The following UNC80 variants were observed in gnomAD, a reference collection of about 807,000 sequenced individuals.
The protein encoded by UNC80 is unc-80 subunit of NALCN channel complex, also known as protein unc-80 homolog.
Under a neutral mutation model 384.6 loss-of-function variants are expected in UNC80, and 164 were observed. That is an observed-to-expected ratio of 0.43 (90% confidence interval 0.38 to 0.49). The LOEUF (loss-of-function observed/expected upper bound fraction) is 0.49. Among genes scored for constraint, UNC80 ranks in the 20% least tolerant of loss-of-function variants. The pLI is 0.00. For synonymous variants in UNC80, 1,486 were observed against 1,527.8 expected, an observed-to-expected ratio of 0.97 and a Z score of 0.64; for missense variants, 3,330 against 4,143.0, an observed-to-expected ratio of 0.80 and a Z score of 5.39.
chr2:209,874,705 G>A (rs2084624115), intron 23 of UNC80, among the ~76,000 whole-genome samples: 1 of 151,700 alleles, frequency 6.6e-6, no homozygotes, highest in Non-Finnish European at 1.5e-5. Flanking sequence ...CTTACTTCAG[G>A]GTTACATTTA....
intron 24 of UNC80, 21 bp downstream of exon 24, chr2:209,878,110 A>T (rs1427705285): frequency 9.9e-6 from 15 of 1,510,502 alleles, no homozygotes; most frequent in Non-Finnish European, 1.3e-5. Context: ...TCCCTTTACT[A>T]CAAGAACCCC....
intron 40 of UNC80, among the ~76,000 whole-genome samples, chr2:209,936,591 C>T (rs1250454266): frequency 6.6e-6 from 1 of 151,892 alleles, no homozygotes; most frequent in Non-Finnish European, 1.5e-5. Context: ...CTTTGGATAG[C>T]TCTGTGTGGG....
At chr2:209,851,086 G>C (rs2082496770) in intron 22 of UNC80, among the ~76,000 whole-genome samples, 1 of 151,984 alleles carries the variant, frequency 6.6e-6, no homozygotes. Context: ...CTAATAGTCA[G>C]TAAACTACAC....
intron 4 of UNC80, among the ~76,000 whole-genome samples, chr2:209,783,400 A>G (rs1307924379): frequency 6.6e-6 from 1 of 152,162 alleles, no homozygotes; most frequent in Non-Finnish European, 1.5e-5. Context: ...GAAGACTTAC[A>G]AAGGAAGATA....
intron 8 of UNC80, 108 bp downstream of exon 8, chr2:209,813,949 T>C: frequency 5.8e-6 from 8 of 1,380,962 alleles, no homozygotes; most frequent in Middle Eastern, 1.8e-4. Context: ...GACTTTTTGG[T>C]TGGTGGGTTA....
rs760705122 is a variant in UNC80, at chr2:209,995,680, GATTA to G, written c.*90_*93del. On this transcript the variant is annotated 3_prime_UTR_variant, in exon 65 of 65. Transcript: ENST00000673920. ...AAGTTCAATACTTTTGCTTGAAAAA[GATTA>G]ATTACAAAATAGCACTTTACTTCTA... The G allele has an allele frequency of 3.0e-5, 44 of 1,452,694 alleles. No individual in the cohort carries two copies. Among genetic ancestry groups the G allele is most frequent in the Non-Finnish European group, 3.8e-5 (41 of 1,087,310 alleles). The allele number at this position is 1,452,694 out of a possible 1,614,324, so 90.0% of individuals were successfully genotyped here.
chr2:209,972,537 G>A (rs990718482), intron 55 of UNC80, among the ~76,000 whole-genome samples: 6 of 152,118 alleles, frequency 3.9e-5, no homozygotes, highest in Non-Finnish European at 4.4e-5. Context: ...TAGGAGATAC[G>A]TCCTATTTAA....
rs774224142 is a variant in UNC80 at position 209,896,349 on chromosome 2, A to T, written c.4517A>T (p.Glu1506Val). ...SPWSASEPSI[E>V]PEGMSNAGAE... The stretch of plus-strand genomic sequence containing the variant: ...TGGAGTGCAAGCGAGCCCAGCATTG[A>T]GCCAGAGGGAATGAGTAATGCCGGC... Residue 1506 changes from glutamate (E) to valine (V), a missense_variant, in exon 28 of 65, where the codon GAG becomes GTG. Glu to Val is a moderately radical substitution (Grantham distance 121). This residue lies in a region of UNC80 where 801 missense variants were observed against 950.8 expected (regional missense o/e 0.84). Coordinates refer to ENST00000673920, the MANE Select transcript of UNC80 (RefSeq NM_001371986.1). The T allele has an allele frequency of 3.2e-6, 5 of 1,551,724 alleles. No homozygotes were observed. In the South Asian group the frequency reaches 5.9e-5, roughly 18 times the overall value.
In UNC80 at chr2:209,842,260, C is replaced by T. The variant is rs112508818; in HGVS notation, c.3358-90C>T. ...AAGTAATAGTATGAAAATGAGTAAA[C>T]AACTCATTTTCAAGTCAAGAGTTGA... On this transcript the variant is annotated intron_variant, in intron 20 of 64. Transcript: ENST00000673920. 3.2e-4 allele frequency: 298 copies of T among 933,614 alleles called. 3 individuals carry two copies. In the African/African-American group the frequency reaches 4.4e-3, roughly 14 times the overall value. 57.8% of individuals were successfully genotyped at this position (933,614 alleles called of 1,614,324 possible). A position where few individuals can be genotyped will look rare whatever the true frequency, so the allele number is the denominator to read the frequency against.
At chr2:209,941,863 G>T (rs1422364324) in intron 44 of UNC80, among the ~76,000 whole-genome samples, 1 of 152,162 alleles carries the variant, frequency 6.6e-6, no homozygotes, top group East Asian at 1.9e-4. Context: ...CTCTTGAAGT[G>T]AGGAGCTTAA....
intron 48 of UNC80, among the ~76,000 whole-genome samples, chr2:209,955,305 A>G (rs980388599): frequency 5.3e-5 from 8 of 152,144 alleles, no homozygotes; most frequent in African/African-American, 1.7e-4. Context: ...TTCAGCATGC[A>G]TCAGCAAGAA....
rs977544708 is a variant in UNC80 at position 209,822,041 on chromosome 2, A to G, written c.2331+1362A>G. Among the ~76,000 whole-genome samples, 9 of 152,102 alleles carry G rather than the reference A, an allele frequency of 5.9e-5. 1 individual carries two copies. The South Asian group carries it at 1.9e-3, about 32-fold the overall frequency. On this transcript the variant is annotated intron_variant, in intron 13 of 64. Coordinates refer to ENST00000673920, the MANE Select transcript of UNC80 (RefSeq NM_001371986.1). Reference sequence around the variant, plus strand: ...TTCTTCCTCATTTCTTTCGAGTCCCACTTGACACATGTTTAATATGCATTT... The same window carrying G: ...TTCTTCCTCATTTCTTTCGAGTCCCGCTTGACACATGTTTAATATGCATTT...
intron 10 of UNC80, 102 bp from the exon 11 acceptor site, chr2:209,817,710 A>C: frequency 7.2e-7 from 1 of 1,382,014 alleles, no homozygotes; most frequent in Non-Finnish European, 9.8e-7. Flanking sequence ...ACTTTTCCTA[A>C]CAGCCCCACA....
intron 60 of UNC80, among the ~76,000 whole-genome samples, chr2:209,983,379 T>A (rs2093205404): frequency 1.3e-5 from 2 of 152,230 alleles, no homozygotes; most frequent in Non-Finnish European, 2.9e-5. Flanking sequence ...CAATGTTTTA[T>A]ATAAGTACCA....
chr2:209,957,637 G>GT lies in UNC80; in HGVS notation c.7458-5dup. Reference sequence around the variant, plus strand: ...TTTTGCTGTGGTGATTACTGTCATTGTTACAGGCCCATGACAGCCCCACAG... The same window carrying GT: ...TTTTGCTGTGGTGATTACTGTCATTGTTTACAGGCCCATGACAGCCCCACAG... On this transcript the variant is annotated splice_polypyrimidine_tract_variant and splice_region_variant and intron_variant, in intron 48 of 64. Transcript: ENST00000673920. 6.5e-7 allele frequency: 1 copy of GT among 1,549,964 alleles called. No individual in the cohort carries two copies. Among genetic ancestry groups the GT allele is most frequent in the Non-Finnish European group, 8.7e-7 (1 of 1,145,862 alleles).
Position 209,819,218 on chromosome 2 carries a change from G to T in UNC80, c.1919G>T (p.Gly640Val). 6.4e-7 allele frequency: 1 copy of T among 1,551,404 alleles called. No homozygotes were observed. The highest frequency in any genetic ancestry group is 1.4e-5 in the African/African-American group (1 of 73,092). Residue 640 changes from glycine (G) to valine (V), a missense_variant, in exon 12 of 65, where the codon GGG becomes GTG. Around this residue, in one of 8 missense-constraint regions of UNC80, gnomAD observed 937 missense variants for 1,026.8 expected, o/e 0.91. Transcript: ENST00000673920. ...SYLEDTEHID[G>V]TNNFVHKNGM... ...CTAGAGGACACAGAACATATTGACG[G>T]GACCAATAACTTTGTCCACAAGAAT...
chr2:209,851,640 G>T lies in UNC80; in HGVS notation c.3627+2017G>T, dbSNP rs373171353. ...TTTTTCCCTTTTTCCAATGAAGATT[G>T]TGTTTGTATAGTGATTTTTTTTCCG... On this transcript the variant is annotated intron_variant, in intron 22 of 64. Coordinates refer to ENST00000673920, the MANE Select transcript of UNC80 (RefSeq NM_001371986.1). Among the ~76,000 whole-genome samples, 15 of 152,208 alleles carry T rather than the reference G, an allele frequency of 9.9e-5. No homozygotes were observed. The East Asian group carries it at 2.9e-3, about 29-fold the overall frequency.
chr2:209,931,256 T>G (rs2090840061), intron 38 of UNC80, among the ~76,000 whole-genome samples: 1 of 152,120 alleles, frequency 6.6e-6, no homozygotes, highest in Non-Finnish European at 1.5e-5. Context: ...CTCTCTGTCT[T>G]CCTTTAGCAA....
Position 209,840,600 on chromosome 2 carries a change from G to A in UNC80, c.3309G>A (p.Leu1103=). ...SGLADGVEDL[L]DISSVDRLSF... Reference sequence around the variant, plus strand: ...TGGCAGATGGTGTGGAGGACCTCCTGGACATTAGCTCTGTGGACCGACTCT... The same window carrying A: ...TGGCAGATGGTGTGGAGGACCTCCTAGACATTAGCTCTGTGGACCGACTCT... Residue 1103 remains leucine, a synonymous_variant, in exon 20 of 65, where the codon CTG becomes CTA. Coordinates refer to ENST00000673920, the MANE Select transcript of UNC80 (RefSeq NM_001371986.1). 6.4e-7 allele frequency: 1 copy of A among 1,551,960 alleles called. No individual in the cohort carries two copies. The highest frequency in any genetic ancestry group is 8.7e-7 in the Non-Finnish European group (1 of 1,147,024).
Sources: gnomAD v4.1 joint callset for allele counts (sites outside exome capture counted in the v4.1 genomes callset) on GRCh38, gnomAD v4.1.1 for gene constraint, gnomAD v4.1.1 regional missense constraint, MANE v1.5 for transcripts, NCBI Gene and HGNC (gene_info 2026-07-23, HGNC 2026-07-21) for gene names.